Variants in CNOT6L observed in about 807,000 individuals in gnomAD.
CNOT6L encodes CCR4-NOT transcription complex subunit 6 like.
Under a neutral mutation model 64.0 loss-of-function variants are expected in CNOT6L, and 7 were observed. That is an observed-to-expected ratio of 0.11 (90% CI 0.06 to 0.21). The LOEUF is 0.21. Among genes scored for constraint, CNOT6L ranks in the 10% least tolerant of loss-of-function variants. CNOT6L has a pLI of 1.00. For missense variants in CNOT6L, 245 were observed against 669.0 expected, an observed-to-expected ratio of 0.37 and a Z score of 6.99; for synonymous variants, 193 against 243.4, an observed-to-expected ratio of 0.79 and a Z score of 1.93.
At chr4:77,738,310 G>A (rs539621067) in intron 8 of CNOT6L, among the ~76,000 whole-genome samples, 7 of 152,174 alleles carry the variant, frequency 4.6e-5, no homozygotes, top group African/African-American at 1.7e-4. Context: ...CTAACCTCAG[G>A]AACAGCAAGT....
intron 1 of CNOT6L, among the ~76,000 whole-genome samples, chr4:77,791,095 T>C (rs1421327782): frequency 6.6e-6 from 1 of 151,884 alleles, no homozygotes; most frequent in Non-Finnish European, 1.5e-5. Flanking sequence ...CTGACCAACA[T>C]CATGAAACAC....
intron 11 of CNOT6L, among the ~76,000 whole-genome samples, chr4:77,722,040 C>T (rs564353510): frequency 6.6e-6 from 1 of 151,382 alleles, no homozygotes; most frequent in East Asian, 1.9e-4. Flanking sequence ...AATTAAGGAA[C>T]TTACATGAGT....
chr4:77,743,360 T>C (rs1341799180), intron 7 of CNOT6L, among the ~76,000 whole-genome samples: 2 of 151,990 alleles, frequency 1.3e-5, no homozygotes, highest in Non-Finnish European at 2.9e-5. Flanking sequence ...AACCAAGAAG[T>C]AGACAAGAAA....
intron 11 of CNOT6L, among the ~76,000 whole-genome samples, chr4:77,723,660 T>G (rs927303536): frequency 8.5e-5 from 13 of 152,190 alleles, no homozygotes; most frequent in Non-Finnish European, 1.8e-4. Flanking sequence ...CCAGCCAGCC[T>G]ATTTATCTTC....
chr4:77,762,777 T>C (rs1337454338), intron 4 of CNOT6L, among the ~76,000 whole-genome samples: 1 of 152,100 alleles, frequency 6.6e-6, no homozygotes, highest in Non-Finnish European at 1.5e-5. Flanking sequence ...GAAAAGTAGT[T>C]GTCAAGGGCT....
At chr4:77,774,331 A>G (rs1462646449) in intron 3 of CNOT6L, among the ~76,000 whole-genome samples, 199 bp downstream of exon 3, 1 of 152,168 alleles carries the variant, frequency 6.6e-6, no homozygotes, top group Non-Finnish European at 1.5e-5. Flanking sequence ...TGGTAATACA[A>G]GCACACTCTA....
chr4:77,778,860 C>T (rs1260356485), intron 1 of CNOT6L, among the ~76,000 whole-genome samples: 1 of 151,048 alleles, frequency 6.6e-6, no homozygotes, highest in African/African-American at 2.4e-5. Flanking sequence ...CTGGCTAACA[C>T]GGTGAAACCC....
chr4:77,791,282 A>G (rs1730117872), intron 1 of CNOT6L, among the ~76,000 whole-genome samples: 2 of 152,034 alleles, frequency 1.3e-5, no homozygotes, highest in South Asian at 4.1e-4. Context: ...TCTCCAAATA[A>G]TCATCATCAT....
At chr4:77,806,177 G>A (rs1031598182) in intron 1 of CNOT6L, among the ~76,000 whole-genome samples, 1 of 152,146 alleles carries the variant, frequency 6.6e-6, no homozygotes, top group African/African-American at 2.4e-5. Flanking sequence ...TATAATCCCA[G>A]CACTTTGGGA....
At chr4:77,760,738 T>C (rs75571856) in intron 4 of CNOT6L, among the ~76,000 whole-genome samples, 8 of 151,330 alleles carry the variant, frequency 5.3e-5, no homozygotes, top group Admixed American at 1.3e-4. Flanking sequence ...TTTTTTTTTT[T>C]CAGACTGGAG....
intron 1 of CNOT6L, among the ~76,000 whole-genome samples, chr4:77,780,394 A>G (rs569690921): frequency 6.6e-6 from 1 of 152,346 alleles, no homozygotes; most frequent in East Asian, 1.9e-4. Context: ...CTCCCATTAC[A>G]TCAACCAAAT....
intron 10 of CNOT6L, among the ~76,000 whole-genome samples, chr4:77,726,921 G>T (rs1721910304): frequency 6.6e-6 from 1 of 152,128 alleles, no homozygotes; most frequent in Non-Finnish European, 1.5e-5. Flanking sequence ...ACACTATAAA[G>T]CATATTATAT....
At chr4:77,794,799 T>C (rs1730613042) in intron 1 of CNOT6L, among the ~76,000 whole-genome samples, 1 of 152,006 alleles carries the variant, frequency 6.6e-6, no homozygotes, top group African/African-American at 2.4e-5. Flanking sequence ...AGAGAAGATA[T>C]AAAAGTCATG....
At position 77,794,150 on chromosome 4, in the gene CNOT6L, CAAAAAAAAAAAA is replaced by C. The variant is rs10649868; in HGVS notation, c.6-17770_6-17759del. 1.7e-4 allele frequency among the ~76,000 whole-genome samples: 9 copies of C among 52,026 alleles called. 1 individual carries two copies. The Admixed American group carries it at 2.5e-3, about 14-fold the overall frequency. The allele number at this position is 52,026 out of a possible 152,430, so 34.1% of individuals were successfully genotyped here. A position where few individuals can be genotyped will look rare whatever the true frequency, so the allele number is the denominator to read the frequency against. On this transcript the variant is annotated intron_variant, in intron 1 of 11. Coordinates refer to ENST00000504123, the MANE Select transcript of CNOT6L (RefSeq NM_144571.3). ...CTGGCAACAGAGTAAGACTCTGTCT[CAAAAAAAAAAAA>C]AAAAAAAAAAAAAAGATTTTAGAAA...
At chr4:77,784,500 A>ATTT (rs71214369) in intron 1 of CNOT6L, among the ~76,000 whole-genome samples, 6,353 of 144,702 alleles carry the variant, frequency 0.044, 176 homozygotes, top group African/African-American at 0.068. Context: ...AATATAATCT[A>ATTT]TTTTTTTTTT....
chr4:77,754,590 C>T (rs2109989478), intron 5 of CNOT6L, among the ~76,000 whole-genome samples: 1 of 151,966 alleles, frequency 6.6e-6, no homozygotes, highest in East Asian at 1.9e-4. Flanking sequence ...GGTAAAAGAA[C>T]ACAGATGCCA....
intron 1 of CNOT6L, among the ~76,000 whole-genome samples, chr4:77,791,634 G>A (rs1388080901): frequency 1.3e-5 from 2 of 151,656 alleles, no homozygotes; most frequent in Non-Finnish European, 2.9e-5. Context: ...TTTCTCTAAG[G>A]CTCATTCTTC....
At chr4:77,810,305 T>C (rs1732768193) in intron 1 of CNOT6L, among the ~76,000 whole-genome samples, 1 of 152,116 alleles carries the variant, frequency 6.6e-6, no homozygotes, top group South Asian at 2.1e-4. Context: ...GAAACACAAC[T>C]TTACCTTACT....
At chr4:77,782,083 T>C (rs894380008) in intron 1 of CNOT6L, among the ~76,000 whole-genome samples, 3 of 152,188 alleles carry the variant, frequency 2.0e-5, no homozygotes, top group Non-Finnish European at 4.4e-5. Flanking sequence ...CAATAACTTA[T>C]TCCATTTTAC....
Sources: allele counts gnomAD v4.1 joint callset (sites outside exome capture counted in the v4.1 genomes callset), GRCh38; gene constraint gnomAD v4.1.1; transcripts MANE v1.5; gene names NCBI Gene and HGNC (gene_info 2026-07-23, HGNC 2026-07-21).